NFIB: variants seen among roughly 807,000 people sequenced by gnomAD.
NFIB encodes nuclear factor 1 B-type.
In NFIB, 11 loss-of-function variants were observed where a neutral mutation model predicts 61.5. That is an observed-to-expected ratio of 0.18 (90% CI 0.11 to 0.30). The LOEUF is 0.30. Among genes scored for constraint, NFIB ranks in the 10% least tolerant of loss-of-function variants. NFIB has a pLI of 1.00. For missense variants in NFIB, 471 were observed against 608.9 expected, an observed-to-expected ratio of 0.77 and a Z score of 2.38; for synonymous variants, 260 against 216.5, an observed-to-expected ratio of 1.20 and a Z score of -1.76.
chr9:14,219,992 CCA>C (rs1355562581), intron 2 of NFIB, among the ~76,000 whole-genome samples: 2 of 152,134 alleles, frequency 1.3e-5, no homozygotes, highest in Non-Finnish European at 1.5e-5. Context: ...TTTTCCAACT[CCA>C]GTCTTGGGAG....
At chr9:14,206,242 T>A (rs368602732) in intron 2 of NFIB, among the ~76,000 whole-genome samples, 56 of 151,714 alleles carry the variant, frequency 3.7e-4, no homozygotes, top group African/African-American at 1.3e-3. Context: ...TGGTATGATC[T>A]CGGCTCACTC....
At chr9:14,524,320 G>A in the NFIB span, among the ~76,000 whole-genome samples, 1 of 152,104 alleles carries the variant, frequency 6.6e-6, no homozygotes, top group African/African-American at 2.4e-5. Context: ...CGTATCAAAT[G>A]TGCTAGGGTG....
chr9:14,369,719 C>T (rs1056621982), intron 1 of NFIB, among the ~76,000 whole-genome samples: 1 of 152,162 alleles, frequency 6.6e-6, no homozygotes, highest in African/African-American at 2.4e-5. Flanking sequence ...TTTATTGTTT[C>T]TACCTCAAAA....
At chr9:14,381,725 C>G (rs1242333194) in intron 1 of NFIB, among the ~76,000 whole-genome samples, 2 of 152,190 alleles carry the variant, frequency 1.3e-5, no homozygotes, top group African/African-American at 4.8e-5. Flanking sequence ...AAGGCAACAT[C>G]AGGCAAGAAC....
the NFIB span, among the ~76,000 whole-genome samples, chr9:14,480,710 C>T: frequency 2.0e-5 from 3 of 152,140 alleles, no homozygotes; most frequent in Non-Finnish European, 4.4e-5. Context: ...ATGAGAACAA[C>T]ATGAATGAGA....
At chr9:14,088,560 C>T (rs1332481038) in intron 10 of NFIB, among the ~76,000 whole-genome samples, 1 of 151,774 alleles carries the variant, frequency 6.6e-6, no homozygotes, top group Non-Finnish European at 1.5e-5. Flanking sequence ...GCAGAAAAAT[C>T]CAGAGTAAGA....
chr9:14,428,823 C>T, the NFIB span, among the ~76,000 whole-genome samples: 1 of 152,134 alleles, frequency 6.6e-6, no homozygotes, highest in African/African-American at 2.4e-5. Flanking sequence ...AATAGGACCT[C>T]CCTTCAGAAA....
At chr9:14,488,860 AT>A in the NFIB span, among the ~76,000 whole-genome samples, 1 of 152,186 alleles carries the variant, frequency 6.6e-6, no homozygotes, top group Non-Finnish European at 1.5e-5. Flanking sequence ...GCTGCTTTTG[AT>A]TGTATCTCTC....
rs558727762 is a variant in NFIB at position 14,132,357 on chromosome 9, T to C, written c.926-6591A>G. ...CTTGTAAACAAGTCTAAATGAACCC[T>C]ATAGAGACAAGTCACCATTTGCTGG... is the stretch of plus-strand genomic sequence containing the variant. On this transcript the variant is annotated intron_variant, in intron 6 of 10. Transcript: ENST00000380953. Among the ~76,000 whole-genome samples, 4 of 152,302 alleles carry C rather than the reference T, an allele frequency of 2.6e-5. No individual in the cohort carries two copies. The South Asian group carries it at 8.3e-4, about 32-fold the overall frequency.
intron 3 of NFIB, among the ~76,000 whole-genome samples, chr9:14,167,944 T>G (rs1388130896): frequency 2.6e-5 from 4 of 152,224 alleles, no homozygotes; most frequent in African/African-American, 9.7e-5. Flanking sequence ...ATTAGTATTC[T>G]GAATCAGCAA....
intron 1 of NFIB, among the ~76,000 whole-genome samples, chr9:14,323,239 A>G (rs1564008731): frequency 1.3e-5 from 2 of 152,206 alleles, no homozygotes; most frequent in Non-Finnish European, 2.9e-5. Flanking sequence ...GGGTGAAACA[A>G]CCAACACCAA....
chr9:14,158,924 G>C (rs139997784), intron 3 of NFIB, among the ~76,000 whole-genome samples: 1 of 152,300 alleles, frequency 6.6e-6, no homozygotes, highest in African/African-American at 2.4e-5. Flanking sequence ...CGATGAATAA[G>C]TGATGAACAT....
intron 1 of NFIB, among the ~76,000 whole-genome samples, chr9:14,366,910 AC>A (rs1292071480): frequency 6.6e-6 from 1 of 152,140 alleles, no homozygotes; most frequent in Non-Finnish European, 1.5e-5. Context: ...CATTTCAGGC[AC>A]CTCCAGCTTT....
intron 2 of NFIB, among the ~76,000 whole-genome samples, chr9:14,185,586 T>C (rs1009229984): frequency 1.1e-4 from 17 of 152,212 alleles, no homozygotes; most frequent in African/African-American, 2.2e-4. Context: ...TATTGCCCTA[T>C]TTAGCCTTAT....
At chr9:14,383,263 C>G (rs2061508646) in intron 1 of NFIB, among the ~76,000 whole-genome samples, 1 of 152,174 alleles carries the variant, frequency 6.6e-6, no homozygotes, top group African/African-American at 2.4e-5. Context: ...TATTGAGTAA[C>G]TCTCAAATTA....
chr9:14,425,845 TTGAA>T, the NFIB span, among the ~76,000 whole-genome samples: 1 of 152,070 alleles, frequency 6.6e-6, no homozygotes, highest in African/African-American at 2.4e-5. Context: ...TAAATGATAG[TTGAA>T]TGAATGAATG....
chr9:14,309,194 T>A (rs1181397120), intron 1 of NFIB, among the ~76,000 whole-genome samples: 1 of 152,154 alleles, frequency 6.6e-6, no homozygotes, highest in Admixed American at 6.5e-5. Context: ...ATTAGGTAAA[T>A]ATGATGAAAG....
At chr9:14,273,841 A>C (rs1395035389) in intron 2 of NFIB, among the ~76,000 whole-genome samples, 3 of 152,308 alleles carry the variant, frequency 2.0e-5, no homozygotes, top group East Asian at 3.9e-4. Flanking sequence ...GCTGCAAAGG[A>C]AAAGTCTCCT....
At chr9:14,125,513 A>G in intron 7 of NFIB, 119 bp downstream of exon 7, 2 of 1,389,700 alleles carry the variant, frequency 1.4e-6, no homozygotes, top group Non-Finnish European at 2.0e-6. Flanking sequence ...GCCCCTCACC[A>G]TATGGGTTGA....
Sources: allele counts gnomAD v4.1 joint callset (sites outside exome capture counted in the v4.1 genomes callset), GRCh38; gene constraint gnomAD v4.1.1; transcripts MANE v1.5; gene names NCBI Gene and HGNC (gene_info 2026-07-23, HGNC 2026-07-21).